The following ARHGEF9 variants were observed in gnomAD, a reference collection of about 807,000 sequenced individuals.
The protein encoded by ARHGEF9 is Cdc42 guanine nucleotide exchange factor 9, also known as rho guanine nucleotide exchange factor 9.
In ARHGEF9, 2 loss-of-function variants were observed where a neutral mutation model predicts 41.3. The ratio of observed to expected loss-of-function variants is 0.05; its 90% CI spans 0.02 to 0.15. The LOEUF (loss-of-function observed/expected upper bound fraction) is 0.15. Among genes scored for constraint, ARHGEF9 ranks in the 10% least tolerant of loss-of-function variants. The probability of loss-of-function intolerance (pLI) is 1.00; values close to 1 mark genes in which losing one functional copy is unlikely to be tolerated. For missense variants in ARHGEF9, 225 were observed against 424.7 expected (o/e 0.53, Z 4.13); for synonymous variants, 160 against 154.4 (o/e 1.04, Z -0.27).
chrX:63,719,259 A>G (rs1321204824), intron 2 of ARHGEF9, among the ~76,000 whole-genome samples: 1 of 112,113 alleles, frequency 8.9e-6, no homozygotes, highest in Non-Finnish European at 1.9e-5. Flanking sequence ...AAGACTAGAG[A>G]CTTATGAACA....
At chrX:63,756,289 CTTATA>C (rs1278214556) in intron 1 of ARHGEF9, among the ~76,000 whole-genome samples, 3 of 111,961 alleles carry the variant, frequency 2.7e-5, no homozygotes, top group East Asian at 2.8e-4. Flanking sequence ...CCTTTTTGCT[CTTATA>C]TTATAGGATT....
intron 7 of ARHGEF9, chrX:63,656,816 G>A (rs1373608102): frequency 6.3e-5 from 7 of 111,996 alleles, no homozygotes; most frequent in Non-Finnish European, 1.3e-4. Context: ...GCAGAAGAGA[G>A]GGTGGGAAGG....
At chrX:63,695,765 T>C (rs1602439685) in intron 4 of ARHGEF9, among the ~76,000 whole-genome samples, 1 of 111,971 alleles carries the variant, frequency 8.9e-6, no homozygotes, top group African/African-American at 3.3e-5. Flanking sequence ...ACAAACAATG[T>C]GGTTTATGCT....
chrX:63,709,019 T>C (rs2052739366), intron 2 of ARHGEF9: 1 of 112,282 alleles, frequency 8.9e-6, no homozygotes, highest in Non-Finnish European at 1.9e-5. Context: ...TTTGTCTGCA[T>C]GTATGTCAGA....
chrX:63,697,367 C>T (rs2051825902), intron 3 of ARHGEF9, 63 bp from the exon 4 acceptor site: 1 of 1,074,477 alleles, frequency 9.3e-7, no homozygotes, highest in Non-Finnish European at 1.3e-6. Flanking sequence ...TTTACACTTC[C>T]TAAGCACTTA....
At chrX:63,656,632 C>G (rs1556336463) in intron 7 of ARHGEF9, 1 of 111,596 alleles carries the variant, frequency 9.0e-6, no homozygotes. Flanking sequence ...TATAGTTTTA[C>G]CTCATCTGTA....
At chrX:63,726,331 C>T (rs2053962782) in intron 1 of ARHGEF9, among the ~76,000 whole-genome samples, 1 of 112,013 alleles carries the variant, frequency 8.9e-6, no homozygotes, top group South Asian at 3.7e-4. Context: ...ACCATTCATT[C>T]ATTCATTCAT....
At chrX:63,758,745 T>C (rs1303178621) in intron 1 of ARHGEF9, among the ~76,000 whole-genome samples, 1 of 112,469 alleles carries the variant, frequency 8.9e-6, no homozygotes, top group African/African-American at 3.2e-5. Flanking sequence ...TCCTCAACAA[T>C]ATTCTGAATG....
At chrX:63,682,133 CAATAAATA>C (rs572010099) in intron 4 of ARHGEF9, among the ~76,000 whole-genome samples, 1,648 of 101,510 alleles carry the variant, frequency 0.016, 23 homozygotes, top group African/African-American at 0.045. Flanking sequence ...TTAAACTCTT[CAATAAATA>C]AATAAATAAA....
intron 2 of ARHGEF9, among the ~76,000 whole-genome samples, chrX:63,712,001 C>G (rs1482245020): frequency 8.9e-6 from 1 of 111,828 alleles, no homozygotes; most frequent in Admixed American, 9.5e-5. Context: ...ATATAAATGG[C>G]CAATAAATAC....
In ARHGEF9 at chrX:63,678,491, T is replaced by A; in HGVS notation, c.664A>T (p.Ser222Cys). 8.3e-7 allele frequency: 1 copy of A among 1,205,892 alleles called. No homozygotes were observed. The highest frequency in any genetic ancestry group is 1.1e-6 in the Non-Finnish European group (1 of 892,359). The change falls in exon 5 of 10, where the codon AGC (serine) becomes TGC (cysteine). Residue 222 changes from serine (S) to cysteine (C), a missense_variant. Transcript: ENST00000671741. ...GCCTCAAAGAAGTGCTGGTAGCGGC[T>A]GTCCTTCATCAGTTTGGAGAGCTCC... ...CMELSKLMKD[S>C]RYQHFFEACR...
chrX:63,672,375 G>C (rs1402835644), intron 6 of ARHGEF9, among the ~76,000 whole-genome samples: 1 of 110,176 alleles, frequency 9.1e-6, no homozygotes, highest in Non-Finnish European at 1.9e-5. Context: ...CCAAGCAGGA[G>C]CGTACAAGGG....
intron 4 of ARHGEF9, among the ~76,000 whole-genome samples, chrX:63,690,999 A>G (rs2051308426): frequency 9.0e-6 from 1 of 111,631 alleles, no homozygotes; most frequent in Non-Finnish European, 1.9e-5. Flanking sequence ...AATAAAAGCC[A>G]TATATCACAA....
At chrX:63,722,469 C>T (rs782025136) in intron 2 of ARHGEF9, among the ~76,000 whole-genome samples, 1 of 105,175 alleles carries the variant, frequency 9.5e-6, no homozygotes, top group South Asian at 4.6e-4. Context: ...GGTTGAGAAC[C>T]ACTTGAGCTA....
intron 1 of ARHGEF9, chrX:63,754,433 C>A (rs781918462): frequency 8.6e-7 from 1 of 1,165,346 alleles, no homozygotes; most frequent in Non-Finnish European, 1.1e-6. Flanking sequence ...CGGTGGCTCT[C>A]GGGATGAAAT....
intron 6 of ARHGEF9, 106 bp downstream of exon 6, chrX:63,673,932 C>T: frequency 4.0e-6 from 4 of 1,008,461 alleles, no homozygotes; most frequent in Non-Finnish European, 5.5e-6. Flanking sequence ...TAAATCCTTA[C>T]TGTTGCTCTT....
At chrX:63,689,998 T>A (rs2051236970) in intron 4 of ARHGEF9, among the ~76,000 whole-genome samples, 1 of 110,653 alleles carries the variant, frequency 9.0e-6, no homozygotes, top group South Asian at 3.8e-4. Flanking sequence ...GCAAAAGCAG[T>A]ACAAAGAGGA....
chrX:63,671,496 A>C (rs1556355535), intron 6 of ARHGEF9: 2 of 112,569 alleles, frequency 1.8e-5, no homozygotes, highest in Non-Finnish European at 3.7e-5. Context: ...GAAATATCAC[A>C]AAGAACAGCA....
Position 63,650,479 on chromosome X carries a change from G to A in ARHGEF9, c.1321+5015C>T, listed in dbSNP as rs1348732665. ...ATTTCATAAAGATAGAGAGTAGAAT[G>A]GTGATTATCAGTGGCTCAGAAAGAA... On this transcript the variant is annotated intron_variant, in intron 8 of 9. Coordinates refer to ENST00000671741, the MANE Select transcript of ARHGEF9 (RefSeq NM_001353921.2). 6.3e-5 allele frequency among the ~76,000 whole-genome samples: 7 copies of A among 111,326 alleles called. No homozygotes were observed. In the East Asian group the frequency reaches 2.0e-3, roughly 31 times the overall value.
Sources: gnomAD v4.1 joint callset for allele counts (sites outside exome capture counted in the v4.1 genomes callset) on GRCh38, gnomAD v4.1.1 for gene constraint, MANE v1.5 for transcripts, NCBI Gene and HGNC (gene_info 2026-07-23, HGNC 2026-07-21) for gene names.